Variants in COL23A1 observed in about 807,000 individuals in gnomAD.
COL23A1 encodes collagen alpha-1(XXIII) chain.
Under a neutral mutation model 99.3 loss-of-function variants are expected in COL23A1, and 97 were observed. That is an observed-to-expected ratio of 0.98 (90% CI 0.83 to 1.16). The LOEUF is 1.16. Ranked by LOEUF, COL23A1 falls within the 50% of genes most tolerant of loss-of-function variation. COL23A1 has a pLI of 0.00. For missense variants in COL23A1, 762 were observed against 757.4 expected (o/e 1.01, Z -0.07); for synonymous variants, 320 against 308.2 (o/e 1.04, Z -0.40).
chr5:178,318,196 G>C (rs1183970180), intron 2 of COL23A1, among the ~76,000 whole-genome samples: 1 of 152,230 alleles, frequency 6.6e-6, no homozygotes, highest in Non-Finnish European at 1.5e-5. Context: ...GAATCCGCAG[G>C]AATAGGCTAG....
intron 2 of COL23A1, among the ~76,000 whole-genome samples, chr5:178,502,535 T>C (rs1292624172): frequency 1.3e-5 from 2 of 152,212 alleles, no homozygotes; most frequent in East Asian, 3.9e-4. Context: ...GAAACTCTTG[T>C]GGTTTGGATT....
chr5:178,525,051 G>A (rs890781761), intron 2 of COL23A1, among the ~76,000 whole-genome samples: 8 of 151,238 alleles, frequency 5.3e-5, no homozygotes, highest in African/African-American at 2.0e-4. Flanking sequence ...AAGAAATGGC[G>A]ACACAGCGCG....
chr5:178,442,164 TA>T (rs986622849), intron 2 of COL23A1, among the ~76,000 whole-genome samples: 12 of 147,700 alleles, frequency 8.1e-5, no homozygotes, highest in East Asian at 2.0e-4. Flanking sequence ...CCCAGATGAT[TA>T]AAAAAAAAAC....
intron 2 of COL23A1, among the ~76,000 whole-genome samples, chr5:178,430,153 C>T (rs1198308088): frequency 6.6e-6 from 1 of 152,200 alleles, no homozygotes; most frequent in Non-Finnish European, 1.5e-5. Flanking sequence ...GGAACTGTCA[C>T]TTCGAGACCT....
At chr5:178,540,919 C>A (rs1761251076) in intron 2 of COL23A1, among the ~76,000 whole-genome samples, 1 of 152,048 alleles carries the variant, frequency 6.6e-6, no homozygotes, top group Non-Finnish European at 1.5e-5. Flanking sequence ...CAGAACAAGA[C>A]CCTGTCTCAA....
At chr5:178,299,191 C>T (rs1399551961) in intron 3 of COL23A1, among the ~76,000 whole-genome samples, 1 of 152,142 alleles carries the variant, frequency 6.6e-6, no homozygotes, top group Non-Finnish European at 1.5e-5. Context: ...GTGTTCTCGC[C>T]ATTTCTATTT....
At chr5:178,518,926 G>GGGCGGC (rs1491187653) in intron 2 of COL23A1, among the ~76,000 whole-genome samples, 1 of 93,326 alleles carries the variant, frequency 1.1e-5, no homozygotes, top group Non-Finnish European at 2.0e-5. Context: ...CCCGGCGGTC[G>GGGCGGC]GGCGGCGGCG....
At chr5:178,319,762 C>G (rs918857078) in intron 2 of COL23A1, among the ~76,000 whole-genome samples, 1 of 152,194 alleles carries the variant, frequency 6.6e-6, no homozygotes, top group Non-Finnish European at 1.5e-5. Context: ...CTGGGTTGAC[C>G]GACTGTCACG....
rs1758809764 is a variant in COL23A1, at chr5:178,313,409, A to G, written c.362-6490T>C. On this transcript the variant is annotated intron_variant, in intron 2 of 28. Coordinates refer to ENST00000390654, the MANE Select transcript of COL23A1 (RefSeq NM_173465.4). The surrounding 1 kb of genome is among the most constrained non-coding windows in gnomAD (Gnocchi z 4.2). ...ACAAAACAAACACCCCAGGGGTCTC[A>G]GCTACCCCTGAGCGAGGCTGTGAGC... Among the ~76,000 whole-genome samples, 1 of 152,224 alleles carries G rather than the reference A, an allele frequency of 6.6e-6. No individual in the cohort carries two copies. Among genetic ancestry groups the G allele is most frequent in the South Asian group, 2.1e-4 (1 of 4,836 alleles).
chr5:178,239,948 T>C (rs1260830045), intron 27 of COL23A1, among the ~76,000 whole-genome samples: 1 of 152,204 alleles, frequency 6.6e-6, no homozygotes, highest in African/African-American at 2.4e-5. Context: ...CTCCTCACCC[T>C]GGGGCCTGCG....
intron 2 of COL23A1, among the ~76,000 whole-genome samples, chr5:178,458,405 G>C (rs1283805406): frequency 6.6e-6 from 1 of 152,172 alleles, no homozygotes; most frequent in African/African-American, 2.4e-5. Context: ...ACTTTGGGAG[G>C]CCGGGTGGAT....
chr5:178,550,116 A>G (rs1189812236), intron 2 of COL23A1, among the ~76,000 whole-genome samples: 1 of 152,100 alleles, frequency 6.6e-6, no homozygotes, highest in Non-Finnish European at 1.5e-5. Flanking sequence ...GAAGTGCTCT[A>G]CTCCCAGGAA....
chr5:178,556,970 A>T (rs1374716140), intron 2 of COL23A1, among the ~76,000 whole-genome samples: 2 of 152,194 alleles, frequency 1.3e-5, no homozygotes, highest in African/African-American at 4.8e-5. Context: ...AAATAAATTA[A>T]AAAAATGAAA....
At chr5:178,376,983 C>A (rs1272721296) in intron 2 of COL23A1, among the ~76,000 whole-genome samples, 2 of 152,180 alleles carry the variant, frequency 1.3e-5, no homozygotes, top group African/African-American at 2.4e-5. Context: ...CTCGGCACAC[C>A]AGGAACCACA....
intron 1 of COL23A1, among the ~76,000 whole-genome samples, chr5:178,585,225 C>T (rs909894209): frequency 6.6e-6 from 1 of 152,154 alleles, no homozygotes; most frequent in Admixed American, 6.5e-5. Context: ...GATGACTGAA[C>T]CCCCGCTCTG....
chr5:178,271,903 C>T (rs1046235091), intron 5 of COL23A1, among the ~76,000 whole-genome samples: 76 of 152,338 alleles, frequency 5.0e-4, no homozygotes, highest in African/African-American at 1.8e-3. Context: ...AGAGGGGCTG[C>T]ACTAACCTCA....
At chr5:178,552,954 C>CG (rs1762082440) in intron 2 of COL23A1, among the ~76,000 whole-genome samples, 1 of 152,066 alleles carries the variant, frequency 6.6e-6, no homozygotes, top group Admixed American at 6.5e-5. Context: ...GTGATCCCCC[C>CG]GCCTTGGCCT....
chr5:178,571,992 T>G (rs964400197), intron 1 of COL23A1, among the ~76,000 whole-genome samples: 1 of 149,196 alleles, frequency 6.7e-6, no homozygotes, highest in Non-Finnish European at 1.5e-5. Context: ...GGCGTGAACC[T>G]GAGAGGCGGA....
In COL23A1 at chr5:178,366,117, GTT is replaced by G. The variant is rs1263309787; in HGVS notation, c.362-59200_362-59199del. On this transcript the variant is annotated intron_variant, in intron 2 of 28. Coordinates refer to ENST00000390654, the MANE Select transcript of COL23A1 (RefSeq NM_173465.4). The surrounding 1 kb of genome is among the most constrained non-coding windows in gnomAD (Gnocchi z 4.4). The stretch of plus-strand genomic sequence containing the variant: ...TGGCCCAGCCCCATGGGGACCATCT[GTT>G]AAAGCTCCATCTACCCTACGAGGAG... Among the ~76,000 whole-genome samples, 7 of 152,294 alleles carry G rather than the reference GTT, an allele frequency of 4.6e-5. No individual in the cohort carries two copies. Among genetic ancestry groups the G allele is most frequent in the Non-Finnish European group, 8.8e-5 (6 of 68,018 alleles).
Sources: allele counts gnomAD v4.1 joint callset (sites outside exome capture counted in the v4.1 genomes callset), GRCh38; gene constraint gnomAD v4.1.1; non-coding constraint Gnocchi (gnomAD v3.1); transcripts MANE v1.5; gene names NCBI Gene and HGNC (gene_info 2026-07-23, HGNC 2026-07-21).